CTIF: variants seen among roughly 807,000 people sequenced by gnomAD.
CTIF encodes cap binding complex dependent translation initiation factor.
A neutral mutation model predicts 66.0 loss-of-function variants in CTIF; 21 were observed. The observed-to-expected ratio is 0.32, with a 90% CI of 0.23 to 0.46. CTIF has a LOEUF of 0.46. Ranked by LOEUF, CTIF falls within the 20% of genes least tolerant of loss-of-function variation. CTIF has a pLI of 1.00. For synonymous variants in CTIF, 345 were observed against 326.4 expected (o/e 1.06, Z -0.62); for missense variants, 739 against 812.7 (o/e 0.91, Z 1.10).
intron 1 of CTIF, among the ~76,000 whole-genome samples, chr18:48,579,079 TCTCA>T: frequency 6.6e-6 from 1 of 152,308 alleles, no homozygotes; most frequent in Non-Finnish European, 1.5e-5. Flanking sequence ...AGAGACAGTG[TCTCA>T]CTCTGTCACC....
At chr18:48,631,871 T>C (rs1236956643) in intron 2 of CTIF, among the ~76,000 whole-genome samples, 2 of 152,120 alleles carry the variant, frequency 1.3e-5, no homozygotes, top group East Asian at 3.9e-4. Context: ...CCTGTTTGCC[T>C]TGAAAGGGAA....
chr18:48,632,903 G>A (rs1247490546), intron 2 of CTIF, among the ~76,000 whole-genome samples: 2 of 152,120 alleles, frequency 1.3e-5, no homozygotes, highest in Non-Finnish European at 2.9e-5. Context: ...ACTTTTGGTT[G>A]GCAAATGTAC....
chr18:48,587,829 G>GTTTT (rs2089805093), intron 1 of CTIF, among the ~76,000 whole-genome samples: 1 of 152,226 alleles, frequency 6.6e-6, no homozygotes, highest in East Asian at 1.9e-4. Context: ...CCATTTTGAC[G>GTTTT]TTTTTGCATT....
chr18:48,797,850 G>T (rs1053451482), intron 9 of CTIF, among the ~76,000 whole-genome samples: 5 of 152,160 alleles, frequency 3.3e-5, no homozygotes, highest in African/African-American at 4.8e-5. Context: ...GCTCAGCAAG[G>T]CCGAGTGACT....
rs564883367 is a variant in CTIF at position 48,724,911 on chromosome 18, T to C, written c.584+13216T>C. 1.2e-4 allele frequency among the ~76,000 whole-genome samples: 18 copies of C among 152,360 alleles called. No individual in the cohort carries two copies. In the South Asian group the frequency reaches 3.7e-3, roughly 32 times the overall value. ...GAATACGACTGCCCTTGTGTTGGCT[T>C]TGAACTCTGTCTTTCAGCTTCAAGG... On this transcript the variant is annotated intron_variant, in intron 7 of 11. Coordinates refer to ENST00000256413, the MANE Select transcript of CTIF (RefSeq NM_014772.3).
At chr18:48,839,907 GCTTT>G (rs539857039) in intron 10 of CTIF, among the ~76,000 whole-genome samples, 25 of 152,300 alleles carry the variant, frequency 1.6e-4, no homozygotes, top group South Asian at 4.1e-4. Context: ...AGAAAGCCAT[GCTTT>G]CTTTCAAATC....
chr18:48,760,462 A>G (rs1908873002), intron 8 of CTIF: 1 of 152,150 alleles, frequency 6.6e-6, no homozygotes, highest in Non-Finnish European at 1.5e-5. Context: ...CACTTACCCA[A>G]AGCCACACAG....
At chr18:48,593,499 G>A (rs962953358) in intron 1 of CTIF, among the ~76,000 whole-genome samples, 8 of 150,624 alleles carry the variant, frequency 5.3e-5, no homozygotes, top group Non-Finnish European at 1.0e-4. Context: ...TCCTGCCTCC[G>A]CCTCCCCGAG....
intron 2 of CTIF, among the ~76,000 whole-genome samples, chr18:48,635,051 G>A (rs1568091188): frequency 1.3e-5 from 2 of 152,116 alleles, no homozygotes; most frequent in African/African-American, 2.4e-5. Flanking sequence ...TTCCGCCTGT[G>A]GTTTCTGTGT....
Position 48,855,343 on chromosome 18 carries a change from T to G in CTIF, c.1528-2245T>G, listed in dbSNP as rs573548069. Among the ~76,000 whole-genome samples the G allele has an allele frequency of 4.6e-5, 7 of 152,368 alleles. No homozygotes were observed. The South Asian group carries it at 1.0e-3, about 23-fold the overall frequency. On this transcript the variant is annotated intron_variant, in intron 10 of 11. Transcript: ENST00000256413. ...TAGTATATTTTCATTCATTCCACAT[T>G]CCACTCAATATTTGAGTACCTACTA...
intron 9 of CTIF, among the ~76,000 whole-genome samples, chr18:48,798,952 C>T (rs2067990924): frequency 6.6e-6 from 1 of 152,148 alleles, no homozygotes; most frequent in Non-Finnish European, 1.5e-5. Context: ...TCAGTAGTGC[C>T]AAGAATGAGG....
At chr18:48,670,981 A>T (rs2091524692) in intron 6 of CTIF, among the ~76,000 whole-genome samples, 2 of 152,108 alleles carry the variant, frequency 1.3e-5, no homozygotes, top group African/African-American at 4.8e-5. Context: ...GGCAGGCCTG[A>T]TGTGCCCTAG....
At chr18:48,838,413 C>T (rs534728367) in intron 10 of CTIF, among the ~76,000 whole-genome samples, 22 of 152,112 alleles carry the variant, frequency 1.4e-4, no homozygotes, top group African/African-American at 4.8e-4. Context: ...GTGCAGTGGC[C>T]GCCTGGAAGA....
intron 7 of CTIF, among the ~76,000 whole-genome samples, chr18:48,752,308 T>A (rs1907907088): frequency 6.6e-6 from 1 of 152,002 alleles, no homozygotes; most frequent in Admixed American, 6.5e-5. Flanking sequence ...TAGGAGGGAG[T>A]GCTCAGGAAG....
In CTIF at chr18:48,735,866, T is replaced by C. The variant is rs115414221; in HGVS notation, c.585-22053T>C. 8.2e-3 allele frequency among the ~76,000 whole-genome samples: 1,253 copies of C among 152,242 alleles called. 20 individuals are homozygous for C. The highest frequency in any genetic ancestry group is 0.029 in the African/African-American group (1,203 of 41,540). The stretch of plus-strand genomic sequence containing the variant: ...TGCAGCCATCAATCTGGGACAGAGA[T>C]ACTAAACACTCCGTAAATGTTTGTG... On this transcript the variant is annotated intron_variant, in intron 7 of 11. Coordinates refer to ENST00000256413, the MANE Select transcript of CTIF (RefSeq NM_014772.3).
intron 7 of CTIF, among the ~76,000 whole-genome samples, chr18:48,728,478 A>T (rs981946032): frequency 6.6e-6 from 1 of 152,250 alleles, no homozygotes; most frequent in Non-Finnish European, 1.5e-5. Context: ...ACGGTCAAGC[A>T]TCCAGAAGCT....
intron 1 of CTIF, among the ~76,000 whole-genome samples, chr18:48,611,599 T>A (rs928292365): frequency 6.6e-6 from 1 of 152,130 alleles, no homozygotes; most frequent in Admixed American, 6.5e-5. Context: ...CAGCCTCACC[T>A]GGGAGCGTGT....
intron 10 of CTIF, among the ~76,000 whole-genome samples, chr18:48,820,732 C>T (rs1010527927): frequency 6.6e-6 from 1 of 152,148 alleles, no homozygotes; most frequent in African/African-American, 2.4e-5. Context: ...GCGTCTGTAC[C>T]CCCGGGGCTC....
At chr18:48,751,813 A>G (rs1907844947) in intron 7 of CTIF, among the ~76,000 whole-genome samples, 3 of 152,230 alleles carry the variant, frequency 2.0e-5, no homozygotes, top group Non-Finnish European at 4.4e-5. Context: ...CTTCTCTCAG[A>G]GGGCTGCAGG....
Sources: gnomAD v4.1 joint callset for allele counts (sites outside exome capture counted in the v4.1 genomes callset) on GRCh38, gnomAD v4.1.1 for gene constraint, MANE v1.5 for transcripts, NCBI Gene and HGNC (gene_info 2026-07-23, HGNC 2026-07-21) for gene names.